Variants in TREML1 observed in about 807,000 individuals in gnomAD.
The protein encoded by TREML1 is trem-like transcript 1 protein.
In TREML1, 27 loss-of-function variants were observed where a neutral mutation model predicts 22.8. The observed-to-expected ratio is 1.19, with a 90% CI of 0.87 to 1.64. TREML1 has a LOEUF of 1.64. Ranked by LOEUF, TREML1 falls within the 40% of genes most tolerant of loss-of-function variation. TREML1 has a pLI of 0.00. For missense variants in TREML1, 356 were observed against 382.0 expected (o/e 0.93, Z 0.57); for synonymous variants, 153 against 161.9 (o/e 0.94, Z 0.42).
At position 41,153,369 on chromosome 6, in the gene TREML1, G is replaced by A. The variant is rs190374935; in HGVS notation, c.376+389C>T. Among the ~76,000 whole-genome samples the A allele has an allele frequency of 1.8e-3, 278 of 150,876 alleles. 1 individual carries two copies. The highest frequency in any genetic ancestry group is 0.015 in the Admixed American group (225 of 15,050). On this transcript the variant is annotated intron_variant, in intron 2 of 5. Transcript: ENST00000426005. ...TAAGCCATCAAGCCCGCTATTACAG[G>A]AATAAAACACTGGAAGCTACAAAAA... is the stretch of plus-strand genomic sequence containing the variant.
Position 41,150,916 on chromosome 6 carries a change from C to T in TREML1, c.480-9G>A, listed in dbSNP as rs779419362. ...CCCAGATCAAGGGGATGCTGAGGAACAGAAAGGGATAGGCAGGCTTAGACC... is the reference window on the plus strand; with the variant it reads ...CCCAGATCAAGGGGATGCTGAGGAATAGAAAGGGATAGGCAGGCTTAGACC... On this transcript the variant is annotated splice_polypyrimidine_tract_variant and intron_variant, in intron 3 of 5. Transcript: ENST00000426005. 7 of 1,613,700 alleles carry T rather than the reference C, an allele frequency of 4.3e-6. No individual in the cohort carries two copies. The highest frequency in any genetic ancestry group is 1.6e-4 in the Middle Eastern group (1 of 6,062).
chr6:41,149,894 C>G lies in TREML1; in HGVS notation c.646G>C (p.Val216Leu). The change falls in exon 6 of 6, where the codon GTC becomes CTC. Residue 216 changes from valine (V) to leucine (L), a missense_variant. Val to Leu is a conservative substitution (Grantham distance 32, BLOSUM62 1). Coordinates refer to ENST00000426005, the MANE Select transcript of TREML1 (RefSeq NM_178174.4). ...GMNPSSVVHH[V>L]SDSGPAAELP... ...TCAGCAGCCGGTCCAGAGTCACTGACGTGGTGGACCACTGAGGAGGGATTC... is the reference window on the plus strand; with the variant it reads ...TCAGCAGCCGGTCCAGAGTCACTGAGGTGGTGGACCACTGAGGAGGGATTC... 1 of 1,613,740 alleles carries G rather than the reference C, an allele frequency of 6.2e-7. No individual in the cohort carries two copies. Among genetic ancestry groups the G allele is most frequent in the Non-Finnish European group, 8.5e-7 (1 of 1,179,848 alleles).
At chr6:41,154,205 A>C (rs748796738) in intron 1 of TREML1, 41 bp downstream of exon 1, 8 of 1,606,098 alleles carry the variant, frequency 5.0e-6, no homozygotes. Flanking sequence ...CATGGGGCTG[A>C]GCATATGGGG....
intron 2 of TREML1, 112 bp downstream of exon 2, chr6:41,153,646 G>T: frequency 9.6e-7 from 1 of 1,043,462 alleles, no homozygotes. Flanking sequence ...ATATCTCCTT[G>T]GAATGCCTCC....
In TREML1 at chr6:41,151,222, C is replaced by T. The variant is rs1177761683; in HGVS notation, c.479+60G>A. On this transcript the variant is annotated intron_variant, in intron 3 of 5. Coordinates refer to ENST00000426005, the MANE Select transcript of TREML1 (RefSeq NM_178174.4). ...CTTCGATTTAGTTTGGAGCTCTAAA[C>T]AAGTCATTGTCTCCACCACCACCCT... 4.1e-6 allele frequency: 6 copies of T among 1,447,134 alleles called. No homozygotes were observed. The East Asian group carries it at 1.1e-4, about 27-fold the overall frequency. The allele number at this position is 1,447,134 out of a possible 1,614,324, so 89.6% of individuals were successfully genotyped here. A position where few individuals can be genotyped will look rare whatever the true frequency, so the allele number is the denominator to read the frequency against.
At position 41,153,931 on chromosome 6, in the gene TREML1, T is replaced by A; in HGVS notation, c.203A>T (p.Asp68Val). 1 of 1,614,198 alleles carries A rather than the reference T, an allele frequency of 6.2e-7. No homozygotes were observed. The highest frequency in any genetic ancestry group is 1.1e-5 in the South Asian group (1 of 91,084). ...GCQPLVSSAV[D>V]RRAPAGRRTF... ...ACGCCTGCCCGCTGGAGCTCTGCGA[T>A]CCACAGCTGAGGACACCAGGGGCTG... is the stretch of plus-strand genomic sequence containing the variant. The change falls in exon 2 of 6, where the codon GAT becomes GTT. Residue 68 changes from aspartate (D) to valine (V), a missense_variant. Asp to Val is a radical substitution (Grantham distance 152, BLOSUM62 -3). Transcript: ENST00000426005.
At chr6:41,151,207 G>C (rs766343908) in intron 3 of TREML1, 75 bp downstream of exon 3, 3 of 1,321,706 alleles carry the variant, frequency 2.3e-6, no homozygotes, top group Non-Finnish European at 3.3e-6. Flanking sequence ...CTTCGATTTA[G>C]TTTGGAGCTC....
In TREML1 at chr6:41,153,702, A is replaced by G. The variant is rs528768132; in HGVS notation, c.376+56T>C. 8.6e-6 allele frequency: 13 copies of G among 1,506,058 alleles called. No individual in the cohort carries two copies. In the African/African-American group the frequency reaches 1.8e-4, roughly 21 times the overall value. 93.3% of individuals were successfully genotyped at this position (1,506,058 alleles called of 1,614,324 possible). On this transcript the variant is annotated intron_variant, in intron 2 of 5. Coordinates refer to ENST00000426005, the MANE Select transcript of TREML1 (RefSeq NM_178174.4). Reference sequence around the variant, plus strand: ...TCAAGAACCCATGAGCCCTGGCAATAGGCGGGGGTGGGGAGGGTAGGTCTA... The same window carrying G: ...TCAAGAACCCATGAGCCCTGGCAATGGGCGGGGGTGGGGAGGGTAGGTCTA...
upstream of TREML1, among the ~76,000 whole-genome samples, chr6:41,155,375 T>TTCTCTCTCTCTCTCTCTCTCTCTCTCTC (rs3049085): frequency 4.3e-3 from 587 of 136,736 alleles, 16 homozygotes; most frequent in African/African-American, 0.012. Context: ...GAGTAAACGT[T>TTCTCTCTCTCTCTCTCTCTCTCTCTCTC]TCTCTCTCTC....
rs1249233685 is a variant in TREML1 at position 41,150,868 on chromosome 6, C to T, written c.519G>A (p.Leu173=). 5.6e-6 allele frequency: 9 copies of T among 1,614,044 alleles called. No homozygotes were observed. Among genetic ancestry groups the T allele is most frequent in the African/African-American group, 1.3e-5 (1 of 74,928 alleles). ...CAAACAGCACCACCGCTGCCACCAG[C>T]AGACCTACCAGGAGCACAGCACCCC... ...LIWGAVLLVG[L]LVAAVVLFAV... The change falls in exon 4 of 6, where the codon CTG becomes CTA. Residue 173 remains leucine, a synonymous_variant. Transcript: ENST00000426005.
intron 2 of TREML1, among the ~76,000 whole-genome samples, chr6:41,152,355 G>A (rs1343142479): frequency 2.0e-5 from 3 of 152,090 alleles, no homozygotes; most frequent in Non-Finnish European, 4.4e-5. Context: ...AGGGGCCCAG[G>A]TCCCTGCCTC....
chr6:41,150,523 A>C, intron 4 of TREML1, among the ~76,000 whole-genome samples: 1 of 149,542 alleles, frequency 6.7e-6, no homozygotes, highest in African/African-American at 2.5e-5. Context: ...CCTTCAACCC[A>C]CCTCAGCGCT....
rs1765187015 is a variant in TREML1 at position 41,149,586 on chromosome 6, T to C, written c.*18A>G. Reference sequence around the variant, plus strand: ...CCCCTAGGGATGGTCCTCATGAGTTTAAAGTGTGATGAGCAGCTTAGCTGG... The same window carrying C: ...CCCCTAGGGATGGTCCTCATGAGTTCAAAGTGTGATGAGCAGCTTAGCTGG... On this transcript the variant is annotated 3_prime_UTR_variant, in exon 6 of 6. Coordinates refer to ENST00000426005, the MANE Select transcript of TREML1 (RefSeq NM_178174.4). The C allele has an allele frequency of 6.3e-7, 1 of 1,595,976 alleles. No individual in the cohort carries two copies. The highest frequency in any genetic ancestry group is 2.2e-5 in the East Asian group (1 of 44,688).
chr6:41,149,964 A>G (rs755835517), intron 5 of TREML1, 46 bp from the exon 6 acceptor site: 16 of 1,576,304 alleles, frequency 1.0e-5, no homozygotes, highest in Middle Eastern at 3.5e-4. Flanking sequence ...TCTGCCCCAG[A>G]ACTCCCTTTG....
chr6:41,155,375 T>TCTCTCTCTCTCTCTCTCTCTC (rs1765393079), upstream of TREML1, among the ~76,000 whole-genome samples: 196 of 136,826 alleles, frequency 1.4e-3, 1 homozygote, highest in Admixed American at 0.012. Flanking sequence ...GAGTAAACGT[T>TCTCTCTCTCTCTCTCTCTCTC]TCTCTCTCTC....
Position 41,153,975 on chromosome 6 carries a change from C to A in TREML1, c.159G>T (p.Arg53=), listed in dbSNP as rs762294470. Residue 53 remains arginine (R), a synonymous_variant, in exon 2 of 6, where the codon CGG becomes CGT. Transcript: ENST00000426005. ...GGGGCTGGCACCCCTCCGGCAAGAA[C>A]CGGCACCACACCTTCTGAGCTTTGA... ...QDVKAQKVWC[R]FLPEGCQPLV... The A allele has an allele frequency of 5.0e-6, 8 of 1,614,208 alleles. No homozygotes were observed. The East Asian group carries it at 1.3e-4, about 27-fold the overall frequency.
chr6:41,150,024 T>A, intron 5 of TREML1, 106 bp from the exon 6 acceptor site: 1 of 1,188,946 alleles, frequency 8.4e-7, no homozygotes, highest in Non-Finnish European at 1.2e-6. Flanking sequence ...CCTGAGTATA[T>A]CAGTGGGCAA....
Position 41,154,247 on chromosome 6 carries a change from T to C in TREML1, c.42A>G (p.Glu14=). The change falls in exon 1 of 6, where the codon GAA becomes GAG. Residue 14 remains glutamate, a splice_region_variant and synonymous_variant. Coordinates refer to ENST00000426005, the MANE Select transcript of TREML1 (RefSeq NM_178174.4). The part of the protein sequence containing the change: ...TLLLLLLLGL[E]GQGIVGSLPE... ...GCTGCAGCTCCTCCTGAACCTTACC[T>C]TCTAGTCCCAGGAGCAGCAGCAAGA... The C allele has an allele frequency of 1.9e-6, 3 of 1,613,894 alleles. No individual in the cohort carries two copies. Among genetic ancestry groups the C allele is most frequent in the Non-Finnish European group, 2.5e-6 (3 of 1,179,898 alleles).
chr6:41,150,323 C>A lies in TREML1; in HGVS notation c.569-10G>T. 6.2e-7 allele frequency: 1 copy of A among 1,613,862 alleles called. No individual in the cohort carries two copies. The highest frequency in any genetic ancestry group is 8.5e-7 in the Non-Finnish European group (1 of 1,179,896). On this transcript the variant is annotated splice_polypyrimidine_tract_variant and intron_variant, in intron 4 of 5. Transcript: ENST00000426005. ...ACACCAAGCCTGTTCCCTGGCAGGACAGACAACAGCAGCATAGTCTGCTTC... is the reference window on the plus strand; with the variant it reads ...ACACCAAGCCTGTTCCCTGGCAGGAAAGACAACAGCAGCATAGTCTGCTTC...
Sources: gnomAD v4.1 joint callset for allele counts (sites outside exome capture counted in the v4.1 genomes callset) on GRCh38, gnomAD v4.1.1 for gene constraint, MANE v1.5 for transcripts, NCBI Gene and HGNC (gene_info 2026-07-23, HGNC 2026-07-21) for gene names.